TENM2: variants seen among roughly 807,000 people sequenced by gnomAD.
TENM2 encodes the protein teneurin transmembrane protein 2.
A neutral mutation model predicts 245.2 loss-of-function variants in TENM2; 52 were observed. That is an observed-to-expected ratio of 0.21 (90% confidence interval 0.17 to 0.27). TENM2 has a LOEUF of 0.27. Among genes scored for constraint, TENM2 ranks in the 10% least tolerant of loss-of-function variants. The probability of loss-of-function intolerance (pLI) is 1.00; values close to 1 mark genes in which losing one functional copy is unlikely to be tolerated. For synonymous variants in TENM2, 1,363 were observed against 1,438.9 expected (o/e 0.95, Z 1.19); for missense variants, 3,046 against 3,666.8 (o/e 0.83, Z 4.37).
intron 7 of TENM2, among the ~76,000 whole-genome samples, chr5:168,064,840 A>G (rs1353310203): frequency 2.6e-5 from 4 of 152,298 alleles, no homozygotes; most frequent in African/African-American, 9.6e-5. Flanking sequence ...CAAGACAGGT[A>G]CAATATAGGG....
intron 2 of TENM2, among the ~76,000 whole-genome samples, chr5:167,433,408 G>A (rs913085314): frequency 5.3e-5 from 8 of 152,140 alleles, no homozygotes; most frequent in African/African-American, 1.9e-4. Flanking sequence ...ACTTGAGAAG[G>A]GTAACAGTAT....
At chr5:167,112,824 A>G in the TENM2 span, among the ~76,000 whole-genome samples, 4 of 152,364 alleles carry the variant, frequency 2.6e-5, no homozygotes, top group Non-Finnish European at 5.9e-5. Context: ...GAAAATTCAC[A>G]GTATGAATGG....
chr5:167,252,252 C>T, the TENM2 span, among the ~76,000 whole-genome samples: 611 of 152,232 alleles, frequency 4.0e-3, 3 homozygotes, highest in Non-Finnish European at 6.0e-3. Flanking sequence ...TAAGGAAAGA[C>T]GTTAATGGGC....
chr5:167,735,848 A>T (rs546322192), intron 2 of TENM2, among the ~76,000 whole-genome samples: 1 of 152,150 alleles, frequency 6.6e-6, no homozygotes, highest in African/African-American at 2.4e-5. Context: ...AGAAAGTTCT[A>T]TGACCGGTTC....
intron 2 of TENM2, among the ~76,000 whole-genome samples, chr5:167,593,517 C>T (rs1425084655): frequency 4.6e-5 from 7 of 152,218 alleles, no homozygotes; most frequent in Non-Finnish European, 4.4e-5. Context: ...AACCTTGGCC[C>T]TTTGCCAAAT....
chr5:167,557,076 G>C (rs1307321621), intron 2 of TENM2, among the ~76,000 whole-genome samples: 6 of 152,092 alleles, frequency 3.9e-5, no homozygotes, highest in Non-Finnish European at 7.4e-5. Context: ...CATTTTGAGA[G>C]AGTTTTCTAA....
chr5:168,101,325 A>G (rs916830694), intron 9 of TENM2, among the ~76,000 whole-genome samples: 8 of 152,186 alleles, frequency 5.3e-5, no homozygotes, highest in Non-Finnish European at 1.0e-4. Context: ...GTAAATGTAT[A>G]TTAACACTGA....
chr5:167,488,561 T>C (rs1768229258), intron 2 of TENM2, among the ~76,000 whole-genome samples: 1 of 152,170 alleles, frequency 6.6e-6, no homozygotes, highest in Admixed American at 6.5e-5. Context: ...TTCAGTCTCC[T>C]TTGCTATTTC....
chr5:167,301,074 T>C (rs975760611), intron 1 of TENM2, among the ~76,000 whole-genome samples: 2 of 152,108 alleles, frequency 1.3e-5, no homozygotes, highest in South Asian at 2.1e-4. Flanking sequence ...ACGGACTTAC[T>C]TTCCACTGTG....
chr5:168,049,685 G>A (rs1266357948), intron 6 of TENM2, among the ~76,000 whole-genome samples: 2 of 152,178 alleles, frequency 1.3e-5, no homozygotes, highest in African/African-American at 4.8e-5. Flanking sequence ...GGAAAGACCA[G>A]AATTTTTCCC....
intron 2 of TENM2, among the ~76,000 whole-genome samples, chr5:167,421,697 C>A (rs1434989200): frequency 6.6e-6 from 1 of 152,166 alleles, no homozygotes; most frequent in African/African-American, 2.4e-5. Flanking sequence ...ATAAAATAGA[C>A]AATAGGAACA....
chr5:167,148,202 A>G, the TENM2 span, among the ~76,000 whole-genome samples: 1 of 152,236 alleles, frequency 6.6e-6, no homozygotes, highest in African/African-American at 2.4e-5. Flanking sequence ...CATTGAATAA[A>G]TATGGCATGC....
intron 2 of TENM2, among the ~76,000 whole-genome samples, chr5:167,816,807 C>T (rs1302112457): frequency 6.6e-6 from 1 of 151,538 alleles, no homozygotes; most frequent in Non-Finnish European, 1.5e-5. Context: ...AATGGCCCAG[C>T]AAAGTCAGAA....
chr5:168,022,353 T>C (rs1035063546), intron 5 of TENM2, among the ~76,000 whole-genome samples: 1 of 152,238 alleles, frequency 6.6e-6, no homozygotes, highest in African/African-American at 2.4e-5. Context: ...TGAACATCAA[T>C]AGTTATTGAA....
intron 2 of TENM2, among the ~76,000 whole-genome samples, chr5:167,428,149 G>A (rs1441866952): frequency 6.6e-6 from 1 of 151,958 alleles, no homozygotes; most frequent in East Asian, 1.9e-4. Flanking sequence ...TTCTATAAAA[G>A]GCAAAATGCT....
At chr5:167,059,219 T>C in the TENM2 span, among the ~76,000 whole-genome samples, 3 of 152,188 alleles carry the variant, frequency 2.0e-5, no homozygotes, top group Non-Finnish European at 4.4e-5. Flanking sequence ...AAACTCACTT[T>C]AATAAAATAA....
At chr5:167,781,891 C>G (rs1582995703) in intron 2 of TENM2, among the ~76,000 whole-genome samples, 1 of 151,936 alleles carries the variant, frequency 6.6e-6, no homozygotes, top group African/African-American at 2.4e-5. Flanking sequence ...AAGGGGCACA[C>G]CTAGCTACTT....
chr5:168,047,370 G>T, intron 5 of TENM2, 57 bp from the exon 8 acceptor site: 2 of 1,548,632 alleles, frequency 1.3e-6, no homozygotes, highest in Admixed American at 2.0e-5. Context: ...CCTCCCCCTT[G>T]ACATTTGCAT....
the TENM2 span, among the ~76,000 whole-genome samples, chr5:167,212,918 G>A: frequency 2.0e-5 from 3 of 152,120 alleles, no homozygotes; most frequent in Non-Finnish European, 4.4e-5. Flanking sequence ...CTTTTGACTA[G>A]TATGTGACAT....
Sources: allele counts gnomAD v4.1 joint callset (sites outside exome capture counted in the v4.1 genomes callset), GRCh38; gene constraint gnomAD v4.1.1; transcripts MANE v1.5; gene names NCBI Gene and HGNC (gene_info 2026-07-23, HGNC 2026-07-21).